UGT1A8: variants seen among roughly 807,000 people sequenced by gnomAD.
UGT1A8 encodes UDP-glucuronosyltransferase 1A8.
Under a neutral mutation model 45.3 loss-of-function variants are expected in UGT1A8, and 39 were observed. The ratio of observed to expected loss-of-function variants is 0.86; its 90% CI spans 0.67 to 1.12. The LOEUF (loss-of-function observed/expected upper bound fraction) is 1.12, where lower values mean the gene tolerates loss of function less well. UGT1A8 is among the 50% of genes most tolerant of loss of function. The pLI is 0.00. For synonymous variants in UGT1A8, 275 were observed against 249.2 expected, an observed-to-expected ratio of 1.10 and a Z score of -0.97; for missense variants, 719 against 664.9, an observed-to-expected ratio of 1.08 and a Z score of -0.90.
intron 1 of UGT1A8, among the ~76,000 whole-genome samples, chr2:233,738,627 G>A (rs1481617124): frequency 1.3e-5 from 2 of 152,172 alleles, no homozygotes; most frequent in Non-Finnish European, 2.9e-5. Flanking sequence ...TGGCATTTTT[G>A]CCCCTGCCCT....
At position 233,713,454 on chromosome 2, in the gene UGT1A8, C is replaced by A. The variant is rs776428029; in HGVS notation, c.856-53580C>A. 66 of 1,614,072 alleles carry A rather than the reference C, an allele frequency of 4.1e-5. 1 individual carries two copies. The highest frequency in any genetic ancestry group is 3.1e-4 in the South Asian group (28 of 91,036). ...TGATGTGGTTCTAACAGACCCCTTTCACCTCTGCGCGGCGGTGCTGGCTAA... is the reference window on the plus strand; with the variant it reads ...TGATGTGGTTCTAACAGACCCCTTTAACCTCTGCGCGGCGGTGCTGGCTAA... On this transcript the variant is annotated intron_variant, in intron 1 of 4. Transcript: ENST00000373450.
In UGT1A8 at chr2:233,772,606, T is replaced by C. The variant is rs34895241; in HGVS notation, c.*47T>C. 98 of 1,584,170 alleles carry C rather than the reference T, an allele frequency of 6.2e-5. No homozygotes were observed. Among genetic ancestry groups the C allele is most frequent in the Admixed American group, 4.5e-4 (25 of 55,206 alleles). On this transcript the variant is annotated 3_prime_UTR_variant, in exon 5 of 5. Transcript: ENST00000373450. The stretch of plus-strand genomic sequence containing the variant: ...AAAATTTTGAACCATTCCCTAGTCA[T>C]TTCCAAACTTGAAAACAGAATCAGT...
rs369738416 is a variant in UGT1A8 at position 233,718,805 on chromosome 2, G to C, written c.856-48229G>C. Reference sequence around the variant, plus strand: ...AGCGTGGGGTGGACAGTCAGCTGTCGGTGGCTTCTGCTGAGATGGCCAGAG... The same window carrying C: ...AGCGTGGGGTGGACAGTCAGCTGTCCGTGGCTTCTGCTGAGATGGCCAGAG... On this transcript the variant is annotated intron_variant, in intron 1 of 4. Transcript: ENST00000373450. 47 of 1,613,298 alleles carry C rather than the reference G, an allele frequency of 2.9e-5. 1 individual carries two copies. Among genetic ancestry groups the C allele is most frequent in the African/African-American group, 1.3e-4 (10 of 75,040 alleles).
chr2:233,629,577 A>G (rs1196204013), intron 1 of UGT1A8, among the ~76,000 whole-genome samples: 1 of 152,064 alleles, frequency 6.6e-6, no homozygotes, highest in Non-Finnish European at 1.5e-5. Context: ...GAGGGTCTGT[A>G]ATTTTCCTAT....
At chr2:233,742,331 G>A (rs1268078196) in intron 1 of UGT1A8, among the ~76,000 whole-genome samples, 3 of 151,974 alleles carry the variant, frequency 2.0e-5, no homozygotes, top group South Asian at 4.1e-4. Context: ...GAAACAAAGG[G>A]ATGGGCTCTG....
chr2:233,693,262 G>A (rs1356082894), intron 1 of UGT1A8: 1 of 1,614,118 alleles, frequency 6.2e-7, no homozygotes, highest in South Asian at 1.1e-5. Context: ...ACCAAGAAGA[G>A]CTGAAGAACC....
chr2:233,733,569 G>C (rs1217619334), intron 1 of UGT1A8, among the ~76,000 whole-genome samples: 1 of 152,186 alleles, frequency 6.6e-6, no homozygotes, highest in East Asian at 1.9e-4. Context: ...AAATAATCAT[G>C]TGGTTTGTCA....
intron 1 of UGT1A8, among the ~76,000 whole-genome samples, chr2:233,674,342 A>C (rs2074281026): frequency 6.6e-6 from 1 of 152,198 alleles, no homozygotes; most frequent in African/African-American, 2.4e-5. Context: ...AATGGCAGAA[A>C]TCTAAGAGGT....
intron 1 of UGT1A8, among the ~76,000 whole-genome samples, chr2:233,655,864 A>AT (rs1429896479): frequency 6.6e-6 from 1 of 152,164 alleles, no homozygotes; most frequent in Non-Finnish European, 1.5e-5. Flanking sequence ...TCACTCCAGC[A>AT]TTTTTTGCCT....
chr2:233,701,248 C>G (rs1368888043), intron 1 of UGT1A8, among the ~76,000 whole-genome samples: 3 of 152,042 alleles, frequency 2.0e-5, no homozygotes, highest in African/African-American at 7.3e-5. Context: ...AATGAGATGG[C>G]TGGGTCAAAT....
chr2:233,771,017 G>A (rs964132313), intron 4 of UGT1A8: 3 of 152,186 alleles, frequency 2.0e-5, no homozygotes, highest in African/African-American at 7.2e-5. Flanking sequence ...GCAGGAGCGA[G>A]AGAGAGTTGG....
chr2:233,678,885 A>G (rs1296736861), intron 1 of UGT1A8, among the ~76,000 whole-genome samples: 2 of 152,100 alleles, frequency 1.3e-5, no homozygotes, highest in Non-Finnish European at 1.5e-5. Flanking sequence ...GACTTCCTTG[A>G]TTGGCTCTGT....
intron 1 of UGT1A8, among the ~76,000 whole-genome samples, chr2:233,687,550 G>A (rs1236181081): frequency 6.9e-6 from 1 of 145,060 alleles, no homozygotes; most frequent in African/African-American, 2.6e-5. Context: ...CAAGTAAGTG[G>A]GGGAGCCAGA....
chr2:233,711,739 C>T (rs1321906009), intron 1 of UGT1A8, among the ~76,000 whole-genome samples: 2 of 152,216 alleles, frequency 1.3e-5, no homozygotes, highest in Non-Finnish European at 2.9e-5. Context: ...ATGGCAGACA[C>T]GGCCAGGCAT....
At chr2:233,753,891 G>C (rs2125923136) in intron 1 of UGT1A8, among the ~76,000 whole-genome samples, 1 of 152,280 alleles carries the variant, frequency 6.6e-6, no homozygotes, top group East Asian at 1.9e-4. Context: ...CCTTCAGAAG[G>C]AACATGCTTC....
At chr2:233,631,332 A>G (rs1254324651) in intron 1 of UGT1A8, among the ~76,000 whole-genome samples, 1 of 152,154 alleles carries the variant, frequency 6.6e-6, no homozygotes, top group Non-Finnish European at 1.5e-5. Flanking sequence ...AGAATGATTT[A>G]TAATCCTTTG....
intron 1 of UGT1A8, among the ~76,000 whole-genome samples, chr2:233,765,948 C>T (rs1314751958): frequency 6.6e-6 from 1 of 152,116 alleles, no homozygotes; most frequent in African/African-American, 2.4e-5. Context: ...GCTCTGACCT[C>T]ACCGGCAGTG....
At chr2:233,684,663 G>A (rs1026440858) in intron 1 of UGT1A8, among the ~76,000 whole-genome samples, 19 of 151,932 alleles carry the variant, frequency 1.3e-4, no homozygotes, top group Non-Finnish European at 2.2e-4. Flanking sequence ...TGCCTTTAAG[G>A]AATATACATA....
chr2:233,751,271 T>G (rs1694686966), intron 1 of UGT1A8, among the ~76,000 whole-genome samples: 2 of 151,964 alleles, frequency 1.3e-5, no homozygotes, highest in African/African-American at 4.9e-5. Flanking sequence ...CCCCTTTTTT[T>G]GGCCAGTTTC....
Sources: gnomAD v4.1 joint callset for allele counts (sites outside exome capture counted in the v4.1 genomes callset) on GRCh38, gnomAD v4.1.1 for gene constraint, MANE v1.5 for transcripts, NCBI Gene and HGNC (gene_info 2026-07-23, HGNC 2026-07-21) for gene names.